The following SEMA4D variants were observed in gnomAD, a reference collection of about 807,000 sequenced individuals.
The protein encoded by SEMA4D is semaphorin 4D.
Under a neutral mutation model 74.8 loss-of-function variants are expected in SEMA4D, and 22 were observed. The ratio of observed to expected loss-of-function variants is 0.29; its 90% confidence interval spans 0.21 to 0.42. SEMA4D has a LOEUF of 0.42. SEMA4D is among the 10% of genes least tolerant of loss of function. SEMA4D has a pLI of 1.00. For missense variants in SEMA4D, 937 were observed against 1,118.4 expected, an observed-to-expected ratio of 0.84 and a Z score of 2.31; for synonymous variants, 445 against 463.7, an observed-to-expected ratio of 0.96 and a Z score of 0.52.
intron 2 of SEMA4D, among the ~76,000 whole-genome samples, chr9:89,443,218 C>A (rs1852057852): frequency 6.6e-6 from 1 of 152,220 alleles, no homozygotes; most frequent in African/African-American, 2.4e-5. Context: ...CCACACTACC[C>A]CCCTGGACAG....
chr9:89,444,950 G>A (rs73654792), intron 2 of SEMA4D, among the ~76,000 whole-genome samples: 1,548 of 152,090 alleles, frequency 0.01, 27 homozygotes, highest in African/African-American at 0.035. Context: ...TGAACATCCC[G>A]ACAGAACAGG....
chr9:89,427,140 C>A (rs1384750816), intron 2 of SEMA4D, among the ~76,000 whole-genome samples: 10 of 152,178 alleles, frequency 6.6e-5, no homozygotes, highest in African/African-American at 2.4e-5. Flanking sequence ...TAGTCAATCC[C>A]CACGTTCAAC....
chr9:89,454,551 T>C (rs1352659955), intron 2 of SEMA4D, among the ~76,000 whole-genome samples: 1 of 152,130 alleles, frequency 6.6e-6, no homozygotes, highest in East Asian at 1.9e-4. Context: ...CTCTTCTGGT[T>C]CCATCCAAGC....
intron 2 of SEMA4D, among the ~76,000 whole-genome samples, chr9:89,444,591 C>T (rs1435649436): frequency 6.6e-6 from 1 of 152,094 alleles, no homozygotes; most frequent in East Asian, 1.9e-4. Flanking sequence ...TTAGTGCTGG[C>T]ACACTGGAAG....
chr9:89,497,332 T>A (rs1564025001), intron 1 of SEMA4D: 2 of 152,540 alleles, frequency 1.3e-5, no homozygotes, highest in Non-Finnish European at 2.9e-5. Context: ...CAGCACTCAC[T>A]GCCAAGGCGG....
chr9:89,457,991 C>A (rs1856341333), intron 1 of SEMA4D, among the ~76,000 whole-genome samples: 1 of 152,208 alleles, frequency 6.6e-6, no homozygotes, highest in Non-Finnish European at 1.5e-5. Flanking sequence ...CAAGATCGTG[C>A]CACTGCACTC....
chr9:89,374,010 C>T (rs542943084), downstream of SEMA4D, among the ~76,000 whole-genome samples: 3 of 152,338 alleles, frequency 2.0e-5, no homozygotes, highest in South Asian at 6.2e-4. Flanking sequence ...CTCGGCCCAC[C>T]CTTGAAAAGG....
At chr9:89,465,683 A>G (rs551470230) in intron 1 of SEMA4D, among the ~76,000 whole-genome samples, 3 of 152,382 alleles carry the variant, frequency 2.0e-5, no homozygotes, top group African/African-American at 7.2e-5. Context: ...TCCAACGGAC[A>G]CAATACCAGC....
At chr9:89,402,102 A>G (rs1189978643) in intron 4 of SEMA4D, among the ~76,000 whole-genome samples, 2 of 152,186 alleles carry the variant, frequency 1.3e-5, no homozygotes, top group Non-Finnish European at 2.9e-5. Flanking sequence ...AGTCCCAGCT[A>G]CTCAGGAGGC....
intron 2 of SEMA4D, among the ~76,000 whole-genome samples, chr9:89,437,026 TCAAGAGGTAG>T (rs1451448889): frequency 6.6e-6 from 1 of 152,144 alleles, no homozygotes; most frequent in Non-Finnish European, 1.5e-5. Flanking sequence ...GACAGCTCAG[TCAAGAGGTAG>T]CAATGAGGGC....
chr9:89,400,802 A>C (rs1842052541), intron 4 of SEMA4D, among the ~76,000 whole-genome samples: 1 of 152,100 alleles, frequency 6.6e-6, no homozygotes. Flanking sequence ...TTTAAGTATA[A>C]GAGGTCCCCA....
rs189119282 is a variant in SEMA4D at position 89,450,388 on chromosome 9, C to A, written c.-244+5500G>T. 8 of 1,118,164 alleles carry A rather than the reference C, an allele frequency of 7.2e-6. No individual in the cohort carries two copies. In the African/African-American group the frequency reaches 1.2e-4, roughly 17 times the overall value. The allele number at this position is 1,118,164 out of a possible 1,614,324, so 69.3% of individuals were successfully genotyped here. The stretch of plus-strand genomic sequence containing the variant: ...ATGAAAAGGCGTTTTGATGCCATGC[C>A]ATTTACTTCAAGAGCATGTGAAGAT... On this transcript the variant is annotated intron_variant, in intron 2 of 15. Transcript: ENST00000422704.
chr9:89,480,921 G>A (rs1297318970), intron 1 of SEMA4D, among the ~76,000 whole-genome samples: 1 of 152,234 alleles, frequency 6.6e-6, no homozygotes, highest in Non-Finnish European at 1.5e-5. Flanking sequence ...GGGAGCCCAG[G>A]CAGGGGAGGT....
chr9:89,365,852 G>A lies in SEMA4D; in HGVS notation c.1883-1902C>T, dbSNP rs183134571. Among the ~76,000 whole-genome samples the A allele has an allele frequency of 8.5e-5, 13 of 152,286 alleles. No homozygotes were observed. The East Asian group carries it at 2.1e-3, about 25-fold the overall frequency. On this transcript the variant is annotated intron_variant, in intron 16 of 18. Transcript: ENST00000339861. The stretch of plus-strand genomic sequence containing the variant: ...GCTGGACTTTTGAAAAGAAGAGATC[G>A]CCAGTTTAATGAAGCTGACTTTAGT...
chr9:89,404,328 G>C (rs1158056307), intron 3 of SEMA4D, among the ~76,000 whole-genome samples: 1 of 152,174 alleles, frequency 6.6e-6, no homozygotes, highest in Non-Finnish European at 1.5e-5. Flanking sequence ...AGGTACGAGG[G>C]AGGGAAGCTT....
At chr9:89,362,231 A>T in exon 19 of SEMA4D, 1 of 1,135,532 alleles carries the variant, frequency 8.8e-7, no homozygotes, top group Non-Finnish European at 1.3e-6. Flanking sequence ...AGGCTTCTCC[A>T]CTGTCCCGCC....
chr9:89,461,700 C>CTCTCTCTCTTTTTTTTT (rs71281350), intron 1 of SEMA4D, among the ~76,000 whole-genome samples: 18 of 103,646 alleles, frequency 1.7e-4, no homozygotes, highest in South Asian at 3.8e-4. Flanking sequence ...TCTTTTTTCT[C>CTCTCTCTCTTTTTTTTT]TTTTTTTTTT....
chr9:89,450,692 T>G (rs1310112294), intron 2 of SEMA4D: 55 of 582,782 alleles, frequency 9.4e-5, no homozygotes, highest in Non-Finnish European at 1.3e-4. Flanking sequence ...AAAAAAGGCC[T>G]CCAAGACTGC....
At chr9:89,406,080 T>C (rs1380992367) in intron 2 of SEMA4D, among the ~76,000 whole-genome samples, 1 of 152,180 alleles carries the variant, frequency 6.6e-6, no homozygotes, top group Non-Finnish European at 1.5e-5. Context: ...CGGGTTTCAG[T>C]TTCCCTTAGA....
Sources: allele counts gnomAD v4.1 joint callset (sites outside exome capture counted in the v4.1 genomes callset), GRCh38; gene constraint gnomAD v4.1.1; transcripts MANE v1.5; gene names NCBI Gene and HGNC (gene_info 2026-07-23, HGNC 2026-07-21).